The following JMJD1C variants were observed in gnomAD, a reference collection of about 807,000 sequenced individuals.
JMJD1C encodes the protein jumonji domain-containing protein 1C.
Under a neutral mutation model 245.3 loss-of-function variants are expected in JMJD1C, and 31 were observed. The ratio of observed to expected loss-of-function variants is 0.13; its 90% CI spans 0.09 to 0.17. JMJD1C has a LOEUF of 0.17. Ranked by LOEUF, JMJD1C falls within the 10% of genes least tolerant of loss-of-function variation. JMJD1C has a pLI of 1.00. For synonymous variants in JMJD1C, 1,057 were observed against 1,017.4 expected, an observed-to-expected ratio of 1.04 and a Z score of -0.74; for missense variants, 2,691 against 3,000.2, an observed-to-expected ratio of 0.90 and a Z score of 2.41.
chr10:63,381,159 G>A (rs1452054635), intron 1 of JMJD1C, among the ~76,000 whole-genome samples: 2 of 152,154 alleles, frequency 1.3e-5, no homozygotes, highest in East Asian at 3.8e-4. Context: ...TATGAAGTAA[G>A]CCAGGTACAA....
chr10:63,215,157 G>A lies in JMJD1C; in HGVS notation c.1016-6C>T. The A allele has an allele frequency of 6.6e-7, 1 of 1,522,848 alleles. No homozygotes were observed. The highest frequency in any genetic ancestry group is 1.2e-5 in the South Asian group (1 of 80,450). The allele number at this position is 1,522,848 out of a possible 1,614,324, so 94.3% of individuals were successfully genotyped here. A position where few individuals can be genotyped will look rare whatever the true frequency, so the allele number is the denominator to read the frequency against. Reference sequence around the variant, plus strand: ...GTTTTTACCTTTAGGATTTTCTGTAGGATTAAAGAAAGAAGAGTCTTATTT... The same window carrying A: ...GTTTTTACCTTTAGGATTTTCTGTAAGATTAAAGAAAGAAGAGTCTTATTT... On this transcript the variant is annotated splice_region_variant and splice_polypyrimidine_tract_variant and intron_variant, in intron 7 of 25. Coordinates refer to ENST00000399262, the MANE Select transcript of JMJD1C (RefSeq NM_032776.3).
chr10:63,218,678 T>G (rs1213806603), intron 4 of JMJD1C, among the ~76,000 whole-genome samples: 1 of 152,108 alleles, frequency 6.6e-6, no homozygotes, highest in Non-Finnish European at 1.5e-5. Flanking sequence ...CCTTAATCTT[T>G]TCTCCTCTAA....
intron 2 of JMJD1C, among the ~76,000 whole-genome samples, chr10:63,322,060 C>T (rs1940935007): frequency 1.3e-5 from 2 of 152,230 alleles, no homozygotes; most frequent in Admixed American, 1.3e-4. Context: ...GAAATATCTT[C>T]TCATCTGAGT....
chr10:63,316,389 C>T (rs138732550), intron 2 of JMJD1C, among the ~76,000 whole-genome samples: 82 of 152,184 alleles, frequency 5.4e-4, no homozygotes, highest in Middle Eastern at 3.4e-3. Flanking sequence ...TGGCTTCTTA[C>T]GTGTTTTTTG....
intron 2 of JMJD1C, 71 bp from the exon 3 acceptor site, chr10:63,264,835 C>T (rs997642557): frequency 2.8e-6 from 2 of 711,306 alleles, no homozygotes; most frequent in African/African-American, 1.8e-5. Context: ...GGAACACACA[C>T]CAATACAATG....
rs187666800 is a variant in JMJD1C, at chr10:63,465,843, G to T, written c.-181C>A. The T allele has an allele frequency of 4.1e-6, 3 of 724,300 alleles. No individual in the cohort carries two copies. The highest frequency in any genetic ancestry group is 1.7e-5 in the African/African-American group (1 of 57,686). 44.9% of individuals were successfully genotyped at this position (724,300 alleles called of 1,614,324 possible). A position where few individuals can be genotyped will look rare whatever the true frequency, so the allele number is the denominator to read the frequency against. ...GACACAGCGACCTCGGGCCCTCCCC[G>T]CAAACACTCCTTTGGACTCCCAGAT... On this transcript the variant is annotated 5_prime_UTR_variant, in exon 1 of 26. Transcript: ENST00000399262.
chr10:63,283,664 G>A (rs889365525), intron 2 of JMJD1C, among the ~76,000 whole-genome samples: 16 of 152,112 alleles, frequency 1.1e-4, no homozygotes, highest in Non-Finnish European at 2.1e-4. Context: ...ACTGCACCTG[G>A]CCTTTCTGAG....
intron 2 of JMJD1C, among the ~76,000 whole-genome samples, chr10:63,370,663 A>G (rs1052420736): frequency 2.0e-5 from 3 of 152,214 alleles, no homozygotes; most frequent in Admixed American, 1.3e-4. Context: ...AATCTTCATT[A>G]TATTTTACTT....
chr10:63,276,390 T>G (rs922511296), intron 2 of JMJD1C, among the ~76,000 whole-genome samples: 1 of 139,632 alleles, frequency 7.2e-6, no homozygotes, highest in Admixed American at 7.8e-5. Flanking sequence ...GGCGTGAACC[T>G]GGGAGGCGGA....
At chr10:63,194,983 T>G (rs1845276427) in intron 13 of JMJD1C, among the ~76,000 whole-genome samples, 2 of 152,168 alleles carry the variant, frequency 1.3e-5, no homozygotes, top group African/African-American at 4.8e-5. Context: ...CTCTACAAAT[T>G]TAGTGACACA....
chr10:63,186,215 T>C lies in JMJD1C; in HGVS notation c.6739A>G (p.Lys2247Glu). ...AATAGTAAAATAAAAACCAACATAC[T>C]TGAAACTTCTTCAAAACCATCCCAG... is the stretch of plus-strand genomic sequence containing the variant. The part of the protein sequence containing the change: ...EFWDGFEEVS[K>E]RQKNKSGETV... The change falls in exon 19 of 26, where the codon AAA (lysine) becomes GAA (glutamate). Residue 2247 changes from lysine (K) to glutamate (E), a missense_variant and splice_region_variant. Lys to Glu is a moderately conservative substitution (Grantham distance 56). This residue lies in a region of JMJD1C where 232 missense variants were observed against 416.1 expected (regional missense o/e 0.56). Transcript: ENST00000399262. The C allele has an allele frequency of 6.2e-7, 1 of 1,605,544 alleles. No homozygotes were observed. The highest frequency in any genetic ancestry group is 1.1e-5 in the South Asian group (1 of 89,806).
At chr10:63,363,463 G>T (rs1365050721) in intron 2 of JMJD1C, among the ~76,000 whole-genome samples, 1 of 151,414 alleles carries the variant, frequency 6.6e-6, no homozygotes, top group Non-Finnish European at 1.5e-5. Context: ...TCACAATGTT[G>T]CCCAGGCTGG....
In JMJD1C at chr10:63,339,204, C is replaced by T. The variant is rs527659811; in HGVS notation, c.333+41114G>A. Among the ~76,000 whole-genome samples the T allele has an allele frequency of 2.0e-5, 3 of 152,268 alleles. No individual in the cohort carries two copies. In the East Asian group the frequency reaches 5.8e-4, roughly 29 times the overall value. The stretch of plus-strand genomic sequence containing the variant: ...ATGTAAAGGAGCAAAATAAGAGATT[C>T]ACTGAAGAGACTTGCTGCACTAAGG... On this transcript the variant is annotated intron_variant, in intron 2 of 25. Transcript: ENST00000399262.
intron 2 of JMJD1C, among the ~76,000 whole-genome samples, chr10:63,365,840 T>G (rs574835405): frequency 6.6e-6 from 1 of 152,230 alleles, no homozygotes. Context: ...ATCAACCTTA[T>G]TGAAAGAGGT....
chr10:63,371,668 T>C (rs1286866271), intron 2 of JMJD1C, among the ~76,000 whole-genome samples: 1 of 124,544 alleles, frequency 8.0e-6, no homozygotes, highest in South Asian at 3.0e-4. Flanking sequence ...GAACTTCTTA[T>C]GGTTCTTATA....
intron 1 of JMJD1C, among the ~76,000 whole-genome samples, chr10:63,398,788 G>A (rs1012401434): frequency 3.3e-5 from 5 of 152,132 alleles, no homozygotes; most frequent in Non-Finnish European, 7.3e-5. Flanking sequence ...GGGATTACAG[G>A]CGTGTGCCAT....
chr10:63,197,511 T>C lies in JMJD1C; in HGVS notation c.5544A>G (p.Ala1848=), dbSNP rs1359336445. The change falls in exon 13 of 26, where the codon GCA becomes GCG. Residue 1848 remains alanine, a synonymous_variant. Transcript: ENST00000399262. ...AVRGVREMCD[A]CEATLFNIHW... ...GAATGTTAAACAATGTTGCTTCACA[T>C]GCATCACACATCTCCCGGACTCCTC... 6 of 1,607,144 alleles carry C rather than the reference T, an allele frequency of 3.7e-6. No homozygotes were observed. The highest frequency in any genetic ancestry group is 4.5e-5 in the East Asian group (2 of 44,712).
chr10:63,239,955 T>C (rs575093457), intron 3 of JMJD1C, among the ~76,000 whole-genome samples: 6 of 152,356 alleles, frequency 3.9e-5, no homozygotes, highest in East Asian at 1.9e-4. Flanking sequence ...CCAATCCTTA[T>C]TGATCTTACA....
intron 1 of JMJD1C, chr10:63,427,332 G>C: frequency 9.5e-7 from 1 of 1,057,066 alleles, no homozygotes; most frequent in Non-Finnish European, 1.3e-6. Flanking sequence ...GCGTGCTCCA[G>C]AGTTCCTGGG....
Sources: allele counts gnomAD v4.1 joint callset (sites outside exome capture counted in the v4.1 genomes callset), GRCh38; gene constraint gnomAD v4.1.1; regional missense constraint gnomAD v4.1.1; transcripts MANE v1.5; gene names NCBI Gene and HGNC (gene_info 2026-07-23, HGNC 2026-07-21).